SP140: variants seen among roughly 807,000 people sequenced by gnomAD.
SP140 encodes the protein nuclear body protein SP140.
A neutral mutation model predicts 125.0 loss-of-function variants in SP140; 81 were observed. The ratio of observed to expected loss-of-function variants is 0.65; its 90% CI spans 0.54 to 0.78. The LOEUF (loss-of-function observed/expected upper bound fraction) is 0.78, where lower values mean the gene tolerates loss of function less well. Among genes scored for constraint, SP140 ranks in the 30% least tolerant of loss-of-function variants. The probability of loss-of-function intolerance (pLI) is 0.00; values close to 1 mark genes in which losing one functional copy is unlikely to be tolerated. For synonymous variants in SP140, 312 were observed against 354.0 expected (o/e 0.88, Z 1.33); for missense variants, 858 against 1,037.0 (o/e 0.83, Z 2.37).
In SP140 at chr2:230,238,246, G is replaced by C; in HGVS notation, c.271G>C (p.Val91Leu). The change falls in exon 3 of 27, where the codon GTG becomes CTG. Residue 91 changes from valine (V) to leucine (L), a missense_variant. Physicochemically the swap from Val to Leu is conservative, Grantham distance 32. Coordinates refer to ENST00000392045, the MANE Select transcript of SP140 (RefSeq NM_007237.5). ...AGAAGCTTTTAGAAACCTGGTCCCA[G>C]TGACAAGAGTGATGTATTGTGTACT... Reference protein sequence around the residue: ...FQEAFRNLVPVTRVMYCVLSE... With the variant: ...FQEAFRNLVPLTRVMYCVLSE... 1.2e-6 allele frequency: 2 copies of C among 1,601,830 alleles called. No individual in the cohort carries two copies. Among genetic ancestry groups the C allele is most frequent in the Non-Finnish European group, 8.5e-7 (1 of 1,176,026 alleles).
At chr2:230,212,646 TG>T in intron 1 of SP140, 1 of 1,387,550 alleles carries the variant, frequency 7.2e-7, no homozygotes, top group South Asian at 1.2e-5. Context: ...TTTGGGTAGA[TG>T]GGTGCAAGAG....
intron 17 of SP140, among the ~76,000 whole-genome samples, chr2:230,287,579 ATGTT>A (rs1318322866): frequency 1.3e-5 from 2 of 152,222 alleles, no homozygotes; most frequent in Admixed American, 1.3e-4. Flanking sequence ...TCAAATATAT[ATGTT>A]TGGAATGAAA....
At chr2:230,256,569 G>GC (rs1553569229) in intron 12 of SP140, among the ~76,000 whole-genome samples, 2 of 151,864 alleles carry the variant, frequency 1.3e-5, no homozygotes, top group Non-Finnish European at 1.5e-5. Context: ...TATACCTAAC[G>GC]TAAATGATGA....
At chr2:230,284,450 T>C in intron 16 of SP140, 39 bp downstream of exon 16, 2 of 1,550,396 alleles carry the variant, frequency 1.3e-6, no homozygotes, top group Non-Finnish European at 1.8e-6. Context: ...CTTTTGAGTT[T>C]ATTAGGGCAC....
chr2:230,269,777 G>T, intron 13 of SP140, 60 bp from the exon 14 acceptor site: 6 of 1,339,900 alleles, frequency 4.5e-6, no homozygotes, highest in Non-Finnish European at 5.3e-6. Flanking sequence ...CAACAAGGGT[G>T]CAGAAAATAG....
intron 3 of SP140, among the ~76,000 whole-genome samples, chr2:230,215,776 C>A (rs1209920891): frequency 1.3e-5 from 2 of 152,212 alleles, no homozygotes; most frequent in African/African-American, 4.8e-5. Context: ...AGGGTAGGCA[C>A]TGTCAAGTGG....
intron 26 of SP140, among the ~76,000 whole-genome samples, chr2:230,312,189 G>A (rs986794787): frequency 6.6e-6 from 1 of 152,200 alleles, no homozygotes; most frequent in African/African-American, 2.4e-5. Context: ...TAATAAGAAA[G>A]GATCATGCTG....
chr2:230,221,817 A>C (rs2045843964), upstream of SP140: 12 of 1,204,486 alleles, frequency 1.0e-5, no homozygotes, highest in South Asian at 1.6e-4. Context: ...AATGCAAAAC[A>C]AACAAACAAA....
intron 22 of SP140, among the ~76,000 whole-genome samples, chr2:230,307,008 A>T (rs1410717770): frequency 6.6e-6 from 1 of 152,234 alleles, no homozygotes; most frequent in Non-Finnish European, 1.5e-5. Flanking sequence ...ACCAATCAGC[A>T]TACACTTCCT....
intron 1 of SP140, among the ~76,000 whole-genome samples, chr2:230,233,166 C>T (rs1195830964): frequency 6.6e-6 from 1 of 151,676 alleles, no homozygotes; most frequent in Non-Finnish European, 1.5e-5. Context: ...AAGTTTGTAG[C>T]CTCATTTTGA....
At chr2:230,198,108 G>A in the SP140 span, among the ~76,000 whole-genome samples, 1 of 133,880 alleles carries the variant, frequency 7.5e-6, no homozygotes, top group Non-Finnish European at 1.6e-5. Context: ...AGGACAATAG[G>A]ACCCTCTGTA....
chr2:230,251,074 A>T lies in SP140; in HGVS notation c.1057+13A>T, dbSNP rs2050283310. 1.2e-6 allele frequency: 2 copies of T among 1,609,336 alleles called. No individual in the cohort carries two copies. Among genetic ancestry groups the T allele is most frequent in the South Asian group, 2.2e-5 (2 of 90,920 alleles). ...AGATGTGGGTCAGGTAAAGAAGGGG[A>T]GGATTTCTGGCCCTGGGCTGCAGAG... On this transcript the variant is annotated intron_variant, in intron 10 of 26. Transcript: ENST00000392045.
At chr2:230,208,418 T>C (rs1484162055) in intron 1 of SP140, among the ~76,000 whole-genome samples, 1 of 152,158 alleles carries the variant, frequency 6.6e-6, no homozygotes, top group Admixed American at 6.5e-5. Context: ...ACTGCTTTAA[T>C]GAATACTTGA....
At chr2:230,203,847 G>C (rs2148868966) in intron 1 of SP140, among the ~76,000 whole-genome samples, 1 of 152,284 alleles carries the variant, frequency 6.6e-6, no homozygotes, top group Non-Finnish European at 1.5e-5. Flanking sequence ...GGGCAGGGAG[G>C]AATGGGGAGT....
At position 230,310,732 on chromosome 2, in the gene SP140, C is replaced by T; in HGVS notation, c.2175-11C>T. The T allele has an allele frequency of 1.5e-5, 22 of 1,497,776 alleles. No individual in the cohort carries two copies. The highest frequency in any genetic ancestry group is 2.0e-5 in the Non-Finnish European group (22 of 1,103,760). 92.8% of individuals were successfully genotyped at this position (1,497,776 alleles called of 1,614,324 possible). A position where few individuals can be genotyped will look rare whatever the true frequency, so the allele number is the denominator to read the frequency against. On this transcript the variant is annotated splice_polypyrimidine_tract_variant and intron_variant, in intron 23 of 26. Coordinates refer to ENST00000392045, the MANE Select transcript of SP140 (RefSeq NM_007237.5). ...TCCCTGCCCTCTGCTCACCCATGTC[C>T]AATCTCTCAGGACCCCGTGGAATTG...
At chr2:230,308,723 C>A (rs979609344) in intron 22 of SP140, among the ~76,000 whole-genome samples, 10 of 152,180 alleles carry the variant, frequency 6.6e-5, no homozygotes, top group East Asian at 1.9e-4. Flanking sequence ...TTCAAAAATA[C>A]GCAGAAGGTG....
At chr2:230,275,663 A>G (rs1195745793) in intron 15 of SP140, among the ~76,000 whole-genome samples, 1 of 152,190 alleles carries the variant, frequency 6.6e-6, no homozygotes, top group Non-Finnish European at 1.5e-5. Context: ...GGCTCAAGTT[A>G]AAGGAAGCGT....
intron 19 of SP140, among the ~76,000 whole-genome samples, chr2:230,291,348 C>G (rs1448793607): frequency 2.0e-5 from 3 of 152,144 alleles, no homozygotes; most frequent in Admixed American, 6.5e-5. Context: ...TGTATAGTCA[C>G]AGAATTGTAC....
intron 4 of SP140, among the ~76,000 whole-genome samples, chr2:230,243,236 C>T (rs2048959467): frequency 6.6e-6 from 1 of 152,176 alleles, no homozygotes; most frequent in South Asian, 2.1e-4. Flanking sequence ...CCTCCATTTA[C>T]CCTTCTCCAA....
Sources: gnomAD v4.1 joint callset for allele counts (sites outside exome capture counted in the v4.1 genomes callset) on GRCh38, gnomAD v4.1.1 for gene constraint, MANE v1.5 for transcripts, NCBI Gene and HGNC (gene_info 2026-07-23, HGNC 2026-07-21) for gene names.